ZNF420: variants seen among roughly 807,000 people sequenced by gnomAD.
ZNF420 encodes the protein zinc finger protein 420, also known as ATM and p53-associated KZNF protein.
Under a neutral mutation model 44.7 loss-of-function variants are expected in ZNF420, and 31 were observed. The observed-to-expected ratio is 0.69, with a 90% CI of 0.52 to 0.94. The LOEUF (loss-of-function observed/expected upper bound fraction) is 0.94. Ranked by LOEUF, ZNF420 falls within the 40% of genes least tolerant of loss-of-function variation. The pLI is 0.00. For synonymous variants in ZNF420, 245 were observed against 267.4 expected (o/e 0.92, Z 0.82); for missense variants, 681 against 827.9 (o/e 0.82, Z 2.18).
intron 1 of ZNF420, among the ~76,000 whole-genome samples, chr19:37,010,921 A>G (rs781190268): frequency 7.9e-5 from 12 of 152,134 alleles, no homozygotes; most frequent in Non-Finnish European, 1.5e-4. Context: ...CTATCTCCTC[A>G]CGGCTCTTCT....
At chr19:37,099,685 G>A (rs1158512981) in intron 4 of ZNF420, among the ~76,000 whole-genome samples, 1 of 152,074 alleles carries the variant, frequency 6.6e-6, no homozygotes, top group Non-Finnish European at 1.5e-5. Flanking sequence ...GTGCAGTGGT[G>A]CAATCTCGGC....
chr19:37,067,366 GGTAAA>G (rs1473899297), intron 1 of ZNF420, among the ~76,000 whole-genome samples: 1 of 152,010 alleles, frequency 6.6e-6, no homozygotes, highest in African/African-American at 2.4e-5. Context: ...AGTATTTAGG[GGTAAA>G]GTATACGATG....
chr19:37,023,296 C>T (rs909337907), intron 1 of ZNF420, among the ~76,000 whole-genome samples: 22 of 152,192 alleles, frequency 1.4e-4, no homozygotes, highest in Admixed American at 1.2e-3. Flanking sequence ...TATATCCTCT[C>T]AATTTTCCTC....
At chr19:37,041,923 A>C (rs2146411599) in intron 1 of ZNF420, among the ~76,000 whole-genome samples, 1 of 152,354 alleles carries the variant, frequency 6.6e-6, no homozygotes, top group Non-Finnish European at 1.5e-5. Context: ...TACATTTATT[A>C]ACCTGATCAC....
chr19:37,100,025 T>C (rs995541664), intron 4 of ZNF420, among the ~76,000 whole-genome samples: 1 of 152,200 alleles, frequency 6.6e-6, no homozygotes, highest in Admixed American at 6.5e-5. Context: ...TTTTGAGGTA[T>C]TATTAAAAAA....
At chr19:37,028,046 A>C (rs1198298954) in intron 1 of ZNF420, among the ~76,000 whole-genome samples, 1 of 152,194 alleles carries the variant, frequency 6.6e-6, no homozygotes, top group East Asian at 1.9e-4. Context: ...TCCCAGCAGC[A>C]ATCAATGAGA....
At chr19:37,068,159 T>C (rs911996211) in intron 1 of ZNF420, among the ~76,000 whole-genome samples, 1 of 152,164 alleles carries the variant, frequency 6.6e-6, no homozygotes, top group African/African-American at 2.4e-5. Flanking sequence ...TGTTCACACA[T>C]TGATAACTTA....
At chr19:37,084,246 G>A (rs1042870722) in intron 2 of ZNF420, among the ~76,000 whole-genome samples, 1 of 152,148 alleles carries the variant, frequency 6.6e-6, no homozygotes, top group South Asian at 2.1e-4. Context: ...AATGTCAAAT[G>A]ACTGTATTTT....
chr19:37,076,983 C>T (rs1243047433), upstream of ZNF420, among the ~76,000 whole-genome samples: 1 of 152,132 alleles, frequency 6.6e-6, no homozygotes, highest in South Asian at 2.1e-4. Context: ...TTTGCTATTC[C>T]AGTCACATTA....
intron 4 of ZNF420, among the ~76,000 whole-genome samples, chr19:37,096,836 T>C (rs73625289): frequency 0.013 from 1,983 of 152,278 alleles, 47 homozygotes; most frequent in African/African-American, 0.045. Flanking sequence ...ATCCTTTTAT[T>C]GTTCAGCATG....
At chr19:37,111,160 T>C (rs1482368307) in intron 4 of ZNF420, among the ~76,000 whole-genome samples, 5 of 152,242 alleles carry the variant, frequency 3.3e-5, no homozygotes, top group African/African-American at 4.8e-5. Context: ...ATGATGCCTG[T>C]TGGAAAATGT....
intron 1 of ZNF420, chr19:37,025,205 ACT>A (rs1967132594): frequency 2.5e-6 from 1 of 392,250 alleles, no homozygotes; most frequent in Non-Finnish European, 4.2e-6. Context: ...GCTTCCCCAC[ACT>A]CTTTACATTC....
At chr19:37,116,368 C>CA (rs57611154) in intron 4 of ZNF420, among the ~76,000 whole-genome samples, 3,599 of 75,528 alleles carry the variant, frequency 0.048, 162 homozygotes, top group Middle Eastern at 0.085. Flanking sequence ...GACTCCACCT[C>CA]AAAAAAAAAA....
intron 1 of ZNF420, among the ~76,000 whole-genome samples, chr19:37,011,743 A>G (rs976115328): frequency 6.6e-6 from 1 of 152,078 alleles, no homozygotes; most frequent in African/African-American, 2.4e-5. Flanking sequence ...TCGTCTCGCC[A>G]TCGCCCCATA....
At chr19:37,078,384 T>G (rs1469602063), upstream of ZNF420, 1 of 152,204 alleles carries the variant, frequency 6.6e-6, no homozygotes, top group Non-Finnish European at 1.5e-5. Context: ...TGGACTACAT[T>G]TCCCAGAGGC....
upstream of ZNF420, among the ~76,000 whole-genome samples, chr19:37,073,658 C>T (rs2146457846): frequency 6.6e-6 from 1 of 150,844 alleles, no homozygotes; most frequent in East Asian, 2.0e-4. Flanking sequence ...GGAGAACTGC[C>T]TGACCCGGGA....
chr19:37,010,934 G>GA (rs2074564648), intron 1 of ZNF420, among the ~76,000 whole-genome samples: 1 of 152,198 alleles, frequency 6.6e-6, no homozygotes, highest in South Asian at 2.1e-4. Flanking sequence ...GCTCTTCTCT[G>GA]AAAAATGAAG....
intron 1 of ZNF420, among the ~76,000 whole-genome samples, chr19:37,032,655 A>G (rs1967283236): frequency 6.6e-6 from 1 of 151,818 alleles, no homozygotes; most frequent in Non-Finnish European, 1.5e-5. Flanking sequence ...AAATACAACA[A>G]TTTGCCAGGA....
At chr19:37,106,343 C>T (rs372084776) in intron 4 of ZNF420, among the ~76,000 whole-genome samples, 33 of 152,256 alleles carry the variant, frequency 2.2e-4, no homozygotes, top group African/African-American at 7.9e-4. Flanking sequence ...GTTGAACCAG[C>T]CTTGCATCCC....
Sources: gnomAD v4.1 joint callset for allele counts (sites outside exome capture counted in the v4.1 genomes callset) on GRCh38, gnomAD v4.1.1 for gene constraint, MANE v1.5 for transcripts, NCBI Gene and HGNC (gene_info 2026-07-23, HGNC 2026-07-21) for gene names.